The following NBAS variants were observed in gnomAD, a reference collection of about 807,000 sequenced individuals.
The protein encoded by NBAS is NBAS subunit of NRZ tethering complex, also known as NAG/BC035112 fusion.
A neutral mutation model predicts 302.5 loss-of-function variants in NBAS; 219 were observed. The ratio of observed to expected loss-of-function variants is 0.72; its 90% CI spans 0.65 to 0.81. NBAS has a LOEUF of 0.81. NBAS is among the 30% of genes least tolerant of loss of function. The pLI is 0.00. For synonymous variants in NBAS, 1,118 were observed against 1,021.6 expected (o/e 1.09, Z -1.80); for missense variants, 2,932 against 2,841.6 (o/e 1.03, Z -0.72).
intron 26 of NBAS, among the ~76,000 whole-genome samples, chr2:15,398,803 T>C (rs547202842): frequency 6.6e-6 from 1 of 152,330 alleles, no homozygotes; most frequent in African/African-American, 2.4e-5. Context: ...TAATTTGTAA[T>C]TATAATTTAC....
rs1667387509 is a variant in NBAS at position 15,231,650 on chromosome 2, T to C, written c.6236+772A>G. 2.0e-5 allele frequency among the ~76,000 whole-genome samples: 3 copies of C among 152,336 alleles called. No homozygotes were observed. The South Asian group carries it at 6.2e-4, about 32-fold the overall frequency. ...GAATACAAAAGTTTATACATTTAAATTGAAACTATATAAAAAGATATCTGC... is the reference window on the plus strand; with the variant it reads ...GAATACAAAAGTTTATACATTTAAACTGAAACTATATAAAAAGATATCTGC... On this transcript the variant is annotated intron_variant, in intron 47 of 51. Transcript: ENST00000281513.
the NBAS span, among the ~76,000 whole-genome samples, chr2:15,097,564 G>A: frequency 6.6e-6 from 1 of 152,016 alleles, no homozygotes; most frequent in Non-Finnish European, 1.5e-5. Context: ...GCATGATGGG[G>A]TTCTGGTAAG....
At chr2:14,785,652 G>T in the NBAS span, among the ~76,000 whole-genome samples, 6 of 152,194 alleles carry the variant, frequency 3.9e-5, no homozygotes, top group Non-Finnish European at 7.3e-5. Flanking sequence ...AACCAGCCTT[G>T]CATCCCAGGG....
intron 28 of NBAS, among the ~76,000 whole-genome samples, chr2:15,392,245 GACA>G (rs967091210): frequency 4.6e-5 from 7 of 150,830 alleles, no homozygotes; most frequent in African/African-American, 1.5e-4. Context: ...TAAATTATAT[GACA>G]ACAAAAAAAA....
chr2:15,008,426 C>A, the NBAS span, among the ~76,000 whole-genome samples: 3 of 152,208 alleles, frequency 2.0e-5, no homozygotes, highest in Non-Finnish European at 4.4e-5. Flanking sequence ...TGTGACATAA[C>A]CTCTCACTCC....
chr2:15,504,487 G>A (rs780463955), intron 10 of NBAS, among the ~76,000 whole-genome samples: 8 of 151,902 alleles, frequency 5.3e-5, no homozygotes, highest in Non-Finnish European at 1.0e-4. Context: ...AAAATCCACC[G>A]CAAGCTCTTC....
rs1343396789 is a variant in NBAS at position 15,533,066 on chromosome 2, C to A, written c.746+1477G>T. 2.7e-3 allele frequency among the ~76,000 whole-genome samples: 411 copies of A among 152,254 alleles called. 1 individual carries two copies. Among genetic ancestry groups the A allele is most frequent in the African/African-American group, 8.8e-3 (366 of 41,550 alleles). On this transcript the variant is annotated intron_variant, in intron 9 of 51. Transcript: ENST00000281513. ...GAAGTACAAATTAAAACCAGAGTGA[C>A]ATGTTCTTTTACACCTACCAAACGA...
At chr2:14,977,633 C>T in the NBAS span, among the ~76,000 whole-genome samples, 2 of 152,154 alleles carry the variant, frequency 1.3e-5, no homozygotes, top group African/African-American at 2.4e-5. Flanking sequence ...ATGAAAGTAG[C>T]CATCTTAGAA....
the NBAS span, among the ~76,000 whole-genome samples, chr2:15,074,149 C>G: frequency 6.6e-6 from 1 of 152,112 alleles, no homozygotes; most frequent in Non-Finnish European, 1.5e-5. Context: ...AACATACATT[C>G]AAGTCCATAT....
At chr2:15,543,606 G>T (rs57971697) in intron 6 of NBAS, among the ~76,000 whole-genome samples, 17,370 of 152,200 alleles carry the variant, frequency 0.11, 2,916 homozygotes, top group African/African-American at 0.37. Context: ...AAGACCCATC[G>T]TGCATGGATG....
At chr2:14,868,733 T>C in the NBAS span, among the ~76,000 whole-genome samples, 3 of 152,374 alleles carry the variant, frequency 2.0e-5, no homozygotes, top group Non-Finnish European at 4.4e-5. Context: ...GTAATCAATC[T>C]ATATGGCTTT....
At chr2:15,452,706 G>A (rs1019018464) in intron 21 of NBAS, among the ~76,000 whole-genome samples, 2 of 151,966 alleles carry the variant, frequency 1.3e-5, no homozygotes, top group African/African-American at 2.4e-5. Flanking sequence ...AAATGTATTC[G>A]CTCTGAATAG....
At chr2:15,294,438 C>T (rs746265617) in intron 40 of NBAS, among the ~76,000 whole-genome samples, 7 of 152,260 alleles carry the variant, frequency 4.6e-5, no homozygotes, top group Middle Eastern at 3.4e-3. Flanking sequence ...GTATTCCTGG[C>T]GACAGATTTA....
At chr2:15,361,205 T>C (rs1673904900) in intron 32 of NBAS, among the ~76,000 whole-genome samples, 2 of 152,208 alleles carry the variant, frequency 1.3e-5, no homozygotes, top group Non-Finnish European at 2.9e-5. Flanking sequence ...AGTACGACTG[T>C]AAATTCTCAA....
chr2:14,837,312 A>G, the NBAS span, among the ~76,000 whole-genome samples: 16 of 152,022 alleles, frequency 1.1e-4, no homozygotes, highest in Admixed American at 9.2e-4. Flanking sequence ...GTAATATATG[A>G]AAAAGGGAAA....
chr2:15,158,578 C>A, the NBAS span, among the ~76,000 whole-genome samples: 3 of 152,324 alleles, frequency 2.0e-5, no homozygotes, highest in African/African-American at 7.2e-5. Context: ...AGGGCAGCTG[C>A]GAAGCCCCAG....
At chr2:15,518,711 G>A (rs531012063) in intron 9 of NBAS, among the ~76,000 whole-genome samples, 2 of 152,082 alleles carry the variant, frequency 1.3e-5, no homozygotes, top group Non-Finnish European at 2.9e-5. Flanking sequence ...AGACATGCCC[G>A]AGACTTGGCA....
chr2:15,202,479 T>C (rs368346013), intron 48 of NBAS, among the ~76,000 whole-genome samples: 9 of 152,280 alleles, frequency 5.9e-5, no homozygotes, highest in African/African-American at 2.2e-4. Flanking sequence ...TAATCAATCA[T>C]ATAGTGCCAT....
chr2:14,792,693 A>G, the NBAS span, among the ~76,000 whole-genome samples: 18 of 152,124 alleles, frequency 1.2e-4, no homozygotes, highest in Non-Finnish European at 1.9e-4. Flanking sequence ...AAAATCGTAA[A>G]TAGGACCTAG....
Sources: gnomAD v4.1 joint callset for allele counts (sites outside exome capture counted in the v4.1 genomes callset) on GRCh38, gnomAD v4.1.1 for gene constraint, MANE v1.5 for transcripts, NCBI Gene and HGNC (gene_info 2026-07-23, HGNC 2026-07-21) for gene names.